PDE2A: variants seen among roughly 807,000 people sequenced by gnomAD.
PDE2A encodes cGMP-dependent 3',5'-cyclic phosphodiesterase.
PDE2A carries 53 observed loss-of-function variants against 133.6 expected under a neutral mutation model. The ratio of observed to expected loss-of-function variants is 0.40; its 90% CI spans 0.32 to 0.50. PDE2A has a LOEUF of 0.50. Ranked by LOEUF, PDE2A falls within the 20% of genes least tolerant of loss-of-function variation. The pLI is 0.73. For missense variants in PDE2A, 796 were observed against 1,232.4 expected (o/e 0.65, Z 5.30); for synonymous variants, 491 against 490.2 (o/e 1.00, Z -0.02).
rs371321022 is a variant in PDE2A at position 72,589,801 on chromosome 11, C to T, written c.832-9G>A. Reference sequence around the variant, plus strand: ...ACTTTGTCTCCGATGACCTGAGGAACGGAGTGCAGGGGGCTGGTTAAAGGA... The same window carrying T: ...ACTTTGTCTCCGATGACCTGAGGAATGGAGTGCAGGGGGCTGGTTAAAGGA... On this transcript the variant is annotated splice_polypyrimidine_tract_variant and intron_variant, in intron 10 of 30. Transcript: ENST00000334456. The T allele has an allele frequency of 6.2e-7, 1 of 1,613,622 alleles. No homozygotes were observed. Among genetic ancestry groups the T allele is most frequent in the Non-Finnish European group, 8.5e-7 (1 of 1,179,814 alleles).
At chr11:72,656,825 C>T (rs1854913116) in intron 1 of PDE2A, among the ~76,000 whole-genome samples, 1 of 152,066 alleles carries the variant, frequency 6.6e-6, no homozygotes, top group Non-Finnish European at 1.5e-5. Context: ...AAGTCACTTT[C>T]CCACCCTGGG....
At chr11:72,579,854 A>C in intron 25 of PDE2A, 1 of 498,210 alleles carries the variant, frequency 2.0e-6, no homozygotes, top group Admixed American at 3.4e-5. Context: ...GGACCCAACA[A>C]GGTAAGCTCT....
intron 2 of PDE2A, among the ~76,000 whole-genome samples, chr11:72,634,712 G>A (rs1858594745): frequency 6.6e-6 from 1 of 152,240 alleles, no homozygotes; most frequent in African/African-American, 2.4e-5. Flanking sequence ...CTGCCAGGCT[G>A]GACTGTGGCC....
At chr11:72,632,033 T>TGGGAGG (rs890804010) in intron 2 of PDE2A, among the ~76,000 whole-genome samples, 3 of 152,134 alleles carry the variant, frequency 2.0e-5, no homozygotes, top group Non-Finnish European at 4.4e-5. Context: ...TGGTGGGGAC[T>TGGGAGG]GGGAGGGGGA....
At chr11:72,619,283 T>C (rs1857628875) in intron 2 of PDE2A, among the ~76,000 whole-genome samples, 1 of 152,224 alleles carries the variant, frequency 6.6e-6, no homozygotes, top group Non-Finnish European at 1.5e-5. Context: ...AAATTCTGGA[T>C]ACACTCATCA....
intron 6 of PDE2A, among the ~76,000 whole-genome samples, chr11:72,595,430 G>A (rs1856436361): frequency 6.6e-6 from 1 of 151,946 alleles, no homozygotes; most frequent in Non-Finnish European, 1.5e-5. Flanking sequence ...GGTGGGGGGA[G>A]CAGCTTGCGG....
At chr11:72,630,053 C>T (rs878987101) in intron 2 of PDE2A, among the ~76,000 whole-genome samples, 1 of 152,106 alleles carries the variant, frequency 6.6e-6, no homozygotes, top group Admixed American at 6.5e-5. Flanking sequence ...CAGCAGCCCA[C>T]CTTGTTTGCT....
Position 72,580,543 on chromosome 11 carries a change from G to T in PDE2A, c.2181+34C>A, listed in dbSNP as rs531695676. 8.9e-5 allele frequency: 136 copies of T among 1,520,226 alleles called. 2 individuals carry two copies. The South Asian group carries it at 1.6e-3, about 18-fold the overall frequency. 94.2% of individuals were successfully genotyped at this position (1,520,226 alleles called of 1,614,324 possible). ...CTTTGCAAGTCACTGGCCTTAAAGGGGAAGAAGGACGGGGTGGGACAGAAG... is the reference window on the plus strand; with the variant it reads ...CTTTGCAAGTCACTGGCCTTAAAGGTGAAGAAGGACGGGGTGGGACAGAAG... On this transcript the variant is annotated intron_variant, in intron 25 of 30. Transcript: ENST00000334456.
intron 2 of PDE2A, chr11:72,635,857 G>A (rs1435046732): frequency 1.6e-5 from 7 of 442,430 alleles, no homozygotes; most frequent in Non-Finnish European, 2.2e-5. Flanking sequence ...TATTGATGTT[G>A]GGGCGATACT....
intron 1 of PDE2A, among the ~76,000 whole-genome samples, chr11:72,658,982 T>G (rs1314946614): frequency 6.6e-6 from 1 of 152,152 alleles, no homozygotes; most frequent in African/African-American, 2.4e-5. Flanking sequence ...TGTGAGCCGC[T>G]GTGCCCAGCT....
chr11:72,624,275 A>T (rs1051223488), intron 2 of PDE2A, among the ~76,000 whole-genome samples: 1 of 152,118 alleles, frequency 6.6e-6, no homozygotes, highest in African/African-American at 2.4e-5. Flanking sequence ...GAGCCACTGC[A>T]TCTGGCCAGA....
At chr11:72,596,670 G>T (rs1345318911) in intron 5 of PDE2A, 22 bp from the exon 6 acceptor site, 1 of 1,411,538 alleles carries the variant, frequency 7.1e-7, no homozygotes, top group Non-Finnish European at 9.3e-7. Flanking sequence ...AGGGCAATGA[G>T]GTGCTCCTGC....
intron 1 of PDE2A, among the ~76,000 whole-genome samples, chr11:72,670,780 GC>G (rs1362774369): frequency 3.9e-5 from 6 of 152,100 alleles, no homozygotes; most frequent in Non-Finnish European, 8.8e-5. Flanking sequence ...ATAAGGCCAG[GC>G]TGGGTAGCCT....
chr11:72,655,840 T>C (rs1854883884), intron 1 of PDE2A, among the ~76,000 whole-genome samples: 1 of 152,230 alleles, frequency 6.6e-6, no homozygotes. Context: ...GAGGGATTTC[T>C]GACACTCCAG....
intron 22 of PDE2A, among the ~76,000 whole-genome samples, 173 bp from the exon 23 acceptor site, chr11:72,581,652 A>T: frequency 6.6e-6 from 1 of 152,178 alleles, no homozygotes; most frequent in East Asian, 1.9e-4. Flanking sequence ...CTCTGGCTAC[A>T]CACTCTCGGC....
Position 72,579,372 on chromosome 11 carries a change from G to A in PDE2A, c.2268C>T (p.Arg756=), listed in dbSNP as rs1855608887. The change falls in exon 27 of 31, where the codon CGC becomes CGT. Residue 756 remains arginine, a synonymous_variant. Transcript: ENST00000334456. Reference sequence around the variant, plus strand: ...TGATGTCCCGCATCAGATCCAGCATGCGCTGATAGTCCTGAGGCGAGGGCA... The same window carrying A: ...TGATGTCCCGCATCAGATCCAGCATACGCTGATAGTCCTGAGGCGAGGGCA... ...FDHFSRKDYQ[R]MLDLMRDIIL... 2 of 1,613,444 alleles carry A rather than the reference G, an allele frequency of 1.2e-6. No individual in the cohort carries two copies. The highest frequency in any genetic ancestry group is 1.3e-5 in the African/African-American group (1 of 74,912).
intron 1 of PDE2A, among the ~76,000 whole-genome samples, chr11:72,670,621 G>C (rs1855363757): frequency 6.6e-6 from 1 of 152,182 alleles, no homozygotes; most frequent in Non-Finnish European, 1.5e-5. Context: ...TTGGAGAGGA[G>C]TCAGGGCCTG....
chr11:72,589,728 G>T, intron 11 of PDE2A, 23 bp downstream of exon 11: 2 of 1,612,720 alleles, frequency 1.2e-6, no homozygotes, highest in Non-Finnish European at 8.5e-7. Flanking sequence ...AGACTCCAAC[G>T]AGAAGACAGA....
intron 1 of PDE2A, among the ~76,000 whole-genome samples, chr11:72,653,344 G>A (rs1242595487): frequency 6.6e-6 from 1 of 152,222 alleles, no homozygotes; most frequent in Admixed American, 6.5e-5. Context: ...ACAGTGAAAG[G>A]CAGAGACACC....
Sources: gnomAD v4.1 joint callset for allele counts (sites outside exome capture counted in the v4.1 genomes callset) on GRCh38, gnomAD v4.1.1 for gene constraint, MANE v1.5 for transcripts, NCBI Gene and HGNC (gene_info 2026-07-23, HGNC 2026-07-21) for gene names.